EYS: variants seen among roughly 807,000 people sequenced by gnomAD.
EYS encodes protein eyes shut homolog.
Under a neutral mutation model 282.1 loss-of-function variants are expected in EYS, and 250 were observed. The observed-to-expected ratio is 0.89, with a 90% CI of 0.80 to 0.98. EYS has a LOEUF of 0.98. EYS is among the 50% of genes least tolerant of loss of function. The pLI is 0.00. For missense variants in EYS, 4,016 were observed against 3,709.0 expected (o/e 1.08, Z -2.15); for synonymous variants, 1,355 against 1,282.9 (o/e 1.06, Z -1.20).
At chr6:64,862,917 C>T (rs9363280) in intron 19 of EYS, among the ~76,000 whole-genome samples, 23,551 of 151,974 alleles carry the variant, frequency 0.15, 2,147 homozygotes, top group East Asian at 0.49. Flanking sequence ...CATGAGACTT[C>T]GTGATACGTT....
intron 26 of EYS, among the ~76,000 whole-genome samples, chr6:64,467,724 G>A (rs138003990): frequency 5.3e-5 from 8 of 152,178 alleles, no homozygotes; most frequent in African/African-American, 1.9e-4. Context: ...GGCCTGCTCT[G>A]CACACTGCTA....
At chr6:64,362,587 G>T (rs1280599427) in intron 29 of EYS, among the ~76,000 whole-genome samples, 1 of 151,686 alleles carries the variant, frequency 6.6e-6, no homozygotes, top group Admixed American at 6.6e-5. Context: ...ACAAGGTTCT[G>T]ATTTTATAGT....
chr6:65,589,955 T>A (rs1476342344), intron 2 of EYS, among the ~76,000 whole-genome samples: 2 of 152,016 alleles, frequency 1.3e-5, no homozygotes, highest in African/African-American at 4.8e-5. Context: ...GTTAAATATA[T>A]CTTTATAATT....
At position 63,720,727 on chromosome 6, in the gene EYS, CTT is replaced by C. The variant is rs1281773356; in HGVS notation, c.9302_9303del (p.Gln3101ArgfsTer4). 6.5e-7 allele frequency: 1 copy of C among 1,549,310 alleles called. No individual in the cohort carries two copies. The highest frequency in any genetic ancestry group is 8.7e-7 in the Non-Finnish European group (1 of 1,146,126). On this transcript the variant is annotated frameshift_variant, in exon 43 of 43. Transcript: ENST00000503581. LOFTEE classifies it high-confidence loss of function. ...EYGRKVNIVT[Q>X]EIFKTNFVGK... ...CCAACAAAATTGGTTTTAAAAATCT[CTT>C]GAGTAACGATATTTACCTTTCTACC...
intron 5 of EYS, among the ~76,000 whole-genome samples, chr6:65,448,017 A>T (rs1488397389): frequency 1.3e-5 from 2 of 152,082 alleles, no homozygotes. Context: ...CAGTCAAGTC[A>T]GATTACGATG....
Position 64,600,584 on chromosome 6 carries a change from G to C in EYS, c.3685-7275C>G, listed in dbSNP as rs939835745. On this transcript the variant is annotated intron_variant, in intron 24 of 42. Transcript: ENST00000503581. ...TTTTCCACACAAAATCAGTATGTAGGGTTCATGATAATAATTATAGTTTTT... is the reference window on the plus strand; with the variant it reads ...TTTTCCACACAAAATCAGTATGTAGCGTTCATGATAATAATTATAGTTTTT... 3.9e-5 allele frequency among the ~76,000 whole-genome samples: 6 copies of C among 151,910 alleles called. No homozygotes were observed. In the East Asian group the frequency reaches 5.8e-4, roughly 15 times the overall value.
rs1562132733 is a variant in EYS at position 63,984,622 on chromosome 6, CA to C, written c.6835-20del. On this transcript the variant is annotated intron_variant, in intron 34 of 42. Coordinates refer to ENST00000503581, the MANE Select transcript of EYS (RefSeq NM_001142800.2). ...AATATGCCTGTAGAAAAAGTAACAA[CA>C]AAAAATATTATAGGTTGTTGTCAGA... 3 of 1,473,112 alleles carry C rather than the reference CA, an allele frequency of 2.0e-6. No homozygotes were observed. The highest frequency in any genetic ancestry group is 2.5e-5 in the South Asian group (2 of 81,410). 91.3% of individuals were successfully genotyped at this position (1,473,112 alleles called of 1,614,324 possible). A position where few individuals can be genotyped will look rare whatever the true frequency, so the allele number is the denominator to read the frequency against.
At chr6:64,098,398 G>A (rs898159252) in intron 31 of EYS, among the ~76,000 whole-genome samples, 3 of 152,000 alleles carry the variant, frequency 2.0e-5, no homozygotes, top group African/African-American at 7.2e-5. Context: ...TGAGCAAAAG[G>A]AGCAAGCTGC....
At chr6:63,827,658 C>A (rs955601157) in intron 36 of EYS, among the ~76,000 whole-genome samples, 1 of 152,084 alleles carries the variant, frequency 6.6e-6, no homozygotes, top group Middle Eastern at 3.4e-3. Flanking sequence ...TCCTGGCTAA[C>A]AAGGTGAAAC....
intron 2 of EYS, among the ~76,000 whole-genome samples, chr6:65,538,101 A>G (rs896047896): frequency 1.3e-5 from 2 of 152,196 alleles, no homozygotes; most frequent in South Asian, 4.1e-4. Flanking sequence ...AAGAAGACCA[A>G]TAAAATGTAC....
chr6:65,460,266 T>C (rs1179284223), intron 5 of EYS, among the ~76,000 whole-genome samples: 1 of 151,102 alleles, frequency 6.6e-6, no homozygotes, highest in Non-Finnish European at 1.5e-5. Context: ...ATCCACAAAG[T>C]AAGAAATAGG....
In EYS at chr6:65,494,669, ATGG is replaced by A. The variant is rs1403714589; in HGVS notation, c.739_741del (p.Pro247del). ...ATATTTTAAACAATCTTACCTGTAA[ATGG>A]TGGGTGACAGACACATTCATATGCT... is the stretch of plus-strand genomic sequence containing the variant. On this transcript the variant is annotated inframe_deletion, in exon 4 of 43. Coordinates refer to ENST00000503581, the MANE Select transcript of EYS (RefSeq NM_001142800.2). 3.8e-6 allele frequency: 6 copies of A among 1,561,714 alleles called. No homozygotes were observed. The highest frequency in any genetic ancestry group is 4.3e-6 in the Non-Finnish European group (5 of 1,151,330).
rs184039696 is a variant in EYS at position 63,778,379 on chromosome 6, C to A, written c.7724-199G>T. On this transcript the variant is annotated intron_variant, in intron 39 of 42. Transcript: ENST00000503581. ...ATTCATGATATCATTTCACAGCAGA[C>A]AACTATTAACATTTTGGTGTGTGTG... 21 of 559,898 alleles carry A rather than the reference C, an allele frequency of 3.8e-5. No individual in the cohort carries two copies. The Admixed American group carries it at 6.2e-4, about 16-fold the overall frequency. 34.7% of individuals were successfully genotyped at this position (559,898 alleles called of 1,614,324 possible).
intron 18 of EYS, among the ~76,000 whole-genome samples, chr6:64,897,669 G>T (rs1767518465): frequency 6.6e-6 from 1 of 152,262 alleles, no homozygotes; most frequent in African/African-American, 2.4e-5. Context: ...AGCGAAAAAA[G>T]CATGTTCTAA....
chr6:65,398,472 C>T (rs954216805), intron 7 of EYS, among the ~76,000 whole-genome samples: 1 of 151,722 alleles, frequency 6.6e-6, no homozygotes, highest in Admixed American at 6.6e-5. Context: ...CAAAAATTAA[C>T]TCAAGTTAGA....
chr6:64,909,077 T>C (rs1361998597), intron 16 of EYS, among the ~76,000 whole-genome samples: 1 of 152,168 alleles, frequency 6.6e-6, no homozygotes, highest in African/African-American at 2.4e-5. Context: ...CATTGTACTT[T>C]AATGGTTAAT....
At chr6:65,497,930 GTGAGTGCAATTAAAAGAAT>G (rs1215695060) in intron 2 of EYS, among the ~76,000 whole-genome samples, 1 of 151,998 alleles carries the variant, frequency 6.6e-6, no homozygotes, top group Non-Finnish European at 1.5e-5. Flanking sequence ...GAACATATTG[GTGAGTGCAATTAAAAGAAT>G]TGAGACACTT....
intron 28 of EYS, among the ~76,000 whole-genome samples, chr6:64,401,794 G>A (rs567456091): frequency 2.6e-5 from 4 of 152,106 alleles, no homozygotes; most frequent in Middle Eastern, 3.4e-3. Flanking sequence ...AGGTGACATG[G>A]AACTGTCCCC....
At chr6:65,571,247 C>G (rs1484167691) in intron 2 of EYS, among the ~76,000 whole-genome samples, 1 of 151,876 alleles carries the variant, frequency 6.6e-6, no homozygotes, top group Non-Finnish European at 1.5e-5. Context: ...ACTTAAATAC[C>G]ATCTTCAGCT....
Sources: gnomAD v4.1 joint callset for allele counts (sites outside exome capture counted in the v4.1 genomes callset) on GRCh38, gnomAD v4.1.1 for gene constraint, MANE v1.5 for transcripts, NCBI Gene and HGNC (gene_info 2026-07-23, HGNC 2026-07-21) for gene names.